Variants in SLC34A1 observed in about 807,000 individuals in gnomAD.
SLC34A1 encodes the protein solute carrier family 34 member 1.
A neutral mutation model predicts 51.4 loss-of-function variants in SLC34A1; 57 were observed. That is an observed-to-expected ratio of 1.11 (90% CI 0.90 to 1.38). The LOEUF (loss-of-function observed/expected upper bound fraction) is 1.38, where lower values mean the gene tolerates loss of function less well. Ranked by LOEUF, SLC34A1 falls within the 40% of genes most tolerant of loss-of-function variation. SLC34A1 has a pLI of 0.00. For synonymous variants in SLC34A1, 368 were observed against 358.0 expected (o/e 1.03, Z -0.32); for missense variants, 796 against 835.6 (o/e 0.95, Z 0.58).
In SLC34A1 at chr5:177,388,050, T is replaced by C; in HGVS notation, c.701T>C (p.Leu234Pro). ...DCFNWLSVLV[L>P]LPLEAATGYL... is the part of the protein sequence containing the mutation. ...TTTAACTGGCTGTCAGTGCTGGTCC[T>C]GCTGCCCCTGGAGGCTGCCACTGGC... The change falls in exon 7 of 13, where the codon CTG becomes CCG. Residue 234 changes from leucine to proline, a missense_variant. By Grantham distance (98) the Leu-to-Pro change is moderately conservative (BLOSUM62 -3). Transcript: ENST00000324417. The surrounding 1 kb of genome is among the most constrained non-coding windows in gnomAD (Gnocchi z 4.3). The C allele has an allele frequency of 1.2e-6, 2 of 1,614,100 alleles. No homozygotes were observed. Among genetic ancestry groups the C allele is most frequent in the Non-Finnish European group, 1.7e-6 (2 of 1,180,004 alleles).
intron 8 of SLC34A1, chr5:177,389,736 G>A (rs776074321): frequency 4.2e-5 from 65 of 1,536,990 alleles, no homozygotes; most frequent in Middle Eastern, 1.7e-4. Context: ...GCTCCCTGCC[G>A]GCCACCTACT....
chr5:177,386,600 G>A lies in SLC34A1; in HGVS notation c.532+34G>A. ...GCCCACCAGGGTGGGGAAGAGCTTGGAGGGGCACCCCAGGAGCTGGGAAGG... is the reference window on the plus strand; with the variant it reads ...GCCCACCAGGGTGGGGAAGAGCTTGAAGGGGCACCCCAGGAGCTGGGAAGG... On this transcript the variant is annotated intron_variant, in intron 5 of 12. Coordinates refer to ENST00000324417, the MANE Select transcript of SLC34A1 (RefSeq NM_003052.5). This position sits in a 1 kb window ranked among gnomAD's most constrained non-coding sequence, Gnocchi z 4.8. The A allele has an allele frequency of 6.2e-7, 1 of 1,612,620 alleles. No individual in the cohort carries two copies. Among genetic ancestry groups the A allele is most frequent in the Non-Finnish European group, 8.5e-7 (1 of 1,179,898 alleles).
chr5:177,389,653 G>C (rs1402661273), intron 8 of SLC34A1: 1 of 1,537,282 alleles, frequency 6.5e-7, no homozygotes, highest in Non-Finnish European at 8.7e-7. Flanking sequence ...ATCTGGAAGG[G>C]AGAGAAATCA....
chr5:177,398,568 A>AG lies in SLC34A1; in HGVS notation c.*284dup. On this transcript the variant is annotated 3_prime_UTR_variant, in exon 13 of 13. Transcript: ENST00000324417. The surrounding 1 kb of genome is among the most constrained non-coding windows in gnomAD (Gnocchi z 4.7). The stretch of plus-strand genomic sequence containing the variant: ...GACACACCTGTGGGAGGCTGTGTGC[A>AG]GGCTGCAGGATATCTGGGTATGATT... The AG allele has an allele frequency of 1.8e-6, 1 of 554,138 alleles. No homozygotes were observed. The allele number at this position is 554,138 out of a possible 1,614,324, so 34.3% of individuals were successfully genotyped here.
chr5:177,389,244 G>T (rs1762711592), intron 8 of SLC34A1, among the ~76,000 whole-genome samples: 1 of 152,126 alleles, frequency 6.6e-6, no homozygotes, highest in Non-Finnish European at 1.5e-5. Flanking sequence ...AAACCACAAT[G>T]CACCATATTT....
intron 12 of SLC34A1, chr5:177,397,466 C>T: frequency 1.9e-6 from 1 of 520,786 alleles, no homozygotes. Context: ...GAATGAGGGT[C>T]CAGAAACTGA....
chr5:177,395,927 C>A (rs1762939967), intron 10 of SLC34A1, among the ~76,000 whole-genome samples: 1 of 152,200 alleles, frequency 6.6e-6, no homozygotes, highest in East Asian at 1.9e-4. Flanking sequence ...AGCCACCATG[C>A]CCAGCCTCTT....
chr5:177,388,158 T>C lies in SLC34A1; in HGVS notation c.809T>C (p.Ile270Thr). 6.2e-7 allele frequency: 1 copy of C among 1,614,058 alleles called. No individual in the cohort carries two copies. Among genetic ancestry groups the C allele is most frequent in the Non-Finnish European group, 8.5e-7 (1 of 1,179,984 alleles). Reference sequence around the variant, plus strand: ...GATGCTCCTGACCTGCTCAAGATCATCACAGAGCCCTTCACGAAGCTCATC... The same window carrying C: ...GATGCTCCTGACCTGCTCAAGATCACCACAGAGCCCTTCACGAAGCTCATC... ...GRDAPDLLKI[I>T]TEPFTKLIIQ... Residue 270 changes from isoleucine (I) to threonine (T), a missense_variant, in exon 7 of 13, where the codon ATC becomes ACC. Physicochemically the swap from Ile to Thr is moderately conservative, Grantham distance 89. Transcript: ENST00000324417. The surrounding 1 kb of genome is among the most constrained non-coding windows in gnomAD (Gnocchi z 4.3).
chr5:177,394,600 T>A (rs1762901884), intron 10 of SLC34A1, among the ~76,000 whole-genome samples: 1 of 151,424 alleles, frequency 6.6e-6, no homozygotes, highest in Admixed American at 6.6e-5. Context: ...CTCACACCTG[T>A]AAATCCAGCA....
intron 5 of SLC34A1, among the ~76,000 whole-genome samples, chr5:177,387,265 G>A (rs556239790): frequency 1.3e-5 from 2 of 152,128 alleles, no homozygotes; most frequent in African/African-American, 4.8e-5. Context: ...CGTGGTGGCA[G>A]GTGTCTGCAG....
At chr5:177,392,464 A>AAAATAAAT (rs10625002) in intron 8 of SLC34A1, among the ~76,000 whole-genome samples, 39 of 151,254 alleles carry the variant, frequency 2.6e-4, no homozygotes, top group African/African-American at 6.1e-4. Flanking sequence ...ACTCTGTCTC[A>AAAATAAAT]AAATAAATAA....
At chr5:177,385,180 G>A (rs79117479) in intron 1 of SLC34A1, among the ~76,000 whole-genome samples, 16,112 of 152,164 alleles carry the variant, frequency 0.11, 1,347 homozygotes, top group African/African-American at 0.23. Context: ...GGTGTCTGCA[G>A]CTCCTCCTTG....
intron 8 of SLC34A1, chr5:177,389,799 T>C (rs1466019180): frequency 3.1e-5 from 47 of 1,531,902 alleles, no homozygotes; most frequent in Non-Finnish European, 3.9e-5. Context: ...CTTGAAGTCA[T>C]CCTCACCCAG....
chr5:177,387,736 C>A, intron 5 of SLC34A1, 26 bp from the exon 6 acceptor site: 1 of 1,586,644 alleles, frequency 6.3e-7, no homozygotes, highest in Non-Finnish European at 8.7e-7. Context: ...CCGTCAAATT[C>A]ATTAGGACGT....
chr5:177,398,180 C>T lies in SLC34A1; in HGVS notation c.1814C>T (p.Pro605Leu), dbSNP rs759723803. ...RATLCCARPE[P>L]RSPPLPPRVF... ...ACCCTATGCTGTGCCAGGCCTGAGCCCCGCTCACCCCCGCTGCCCCCCAGG... is the reference window on the plus strand; with the variant it reads ...ACCCTATGCTGTGCCAGGCCTGAGCTCCGCTCACCCCCGCTGCCCCCCAGG... Residue 605 changes from proline (P) to leucine (L), a missense_variant, in exon 13 of 13, where the codon CCC becomes CTC. Transcript: ENST00000324417. This position sits in a 1 kb window ranked among gnomAD's most constrained non-coding sequence, Gnocchi z 4.7. The T allele has an allele frequency of 3.7e-6, 6 of 1,611,272 alleles. No homozygotes were observed. Among genetic ancestry groups the T allele is most frequent in the Non-Finnish European group, 5.1e-6 (6 of 1,179,804 alleles).
rs1401652648 is a variant in SLC34A1 at position 177,388,853 on chromosome 5, G to C, written c.936+481G>C. ...TTCAGAGAGGCTAAGAAACGTGCCA[G>C]AGCTTATCCTACCATGTCAGGGCCT... On this transcript the variant is annotated intron_variant, in intron 8 of 12. Coordinates refer to ENST00000324417, the MANE Select transcript of SLC34A1 (RefSeq NM_003052.5). This position sits in a 1 kb window ranked among gnomAD's most constrained non-coding sequence, Gnocchi z 4.3. Among the ~76,000 whole-genome samples the C allele has an allele frequency of 6.6e-6, 1 of 152,182 alleles. No homozygotes were observed. Among genetic ancestry groups the C allele is most frequent in the East Asian group, 1.9e-4 (1 of 5,206 alleles).
chr5:177,388,677 C>T lies in SLC34A1; in HGVS notation c.936+305C>T, dbSNP rs1227198429. On this transcript the variant is annotated intron_variant, in intron 8 of 12. Transcript: ENST00000324417. The surrounding 1 kb of genome is among the most constrained non-coding windows in gnomAD (Gnocchi z 4.3). ...GGAACCTATTAGAGATGCAAATCAC[C>T]CTGCCCTTCCCTAGACCTACTGAAT... Among the ~76,000 whole-genome samples, 31 of 152,070 alleles carry T rather than the reference C, an allele frequency of 2.0e-4. No individual in the cohort carries two copies. Among genetic ancestry groups the T allele is most frequent in the Non-Finnish European group, 3.4e-4 (23 of 68,014 alleles).
Position 177,395,326 on chromosome 5 carries a change from G to A in SLC34A1, c.1174+1131G>A, listed in dbSNP as rs559779192. On this transcript the variant is annotated intron_variant, in intron 10 of 12. Transcript: ENST00000324417. ...GGTTTCCAATGCGCTGTTTGAGGCC[G>A]CTCAGTGCAGTTGGCATTTGAACAG... Among the ~76,000 whole-genome samples, 8 of 152,260 alleles carry A rather than the reference G, an allele frequency of 5.3e-5. No individual in the cohort carries two copies. In the South Asian group the frequency reaches 8.3e-4, roughly 16 times the overall value.
chr5:177,386,008 C>A lies in SLC34A1; in HGVS notation c.131C>A (p.Thr44Asn), dbSNP rs750323972. Residue 44 changes from threonine to asparagine, a missense_variant, in exon 3 of 13, where the codon ACC becomes AAC. By Grantham distance (65) the Thr-to-Asn change is moderately conservative. Transcript: ENST00000324417. The surrounding 1 kb of genome is among the most constrained non-coding windows in gnomAD (Gnocchi z 4.8). ...CTAGTCCTACACAGGATCCCGGGGACCTCTGCCTATGCCTTCCCCAGCCTG... is the reference window on the plus strand; with the variant it reads ...CTAGTCCTACACAGGATCCCGGGGAACTCTGCCTATGCCTTCCCCAGCCTG... Reference protein sequence around the residue: ...SPQVLHRIPGTSAYAFPSLGP... With the variant: ...SPQVLHRIPGNSAYAFPSLGP... The A allele has an allele frequency of 6.8e-6, 11 of 1,610,550 alleles. No homozygotes were observed. In the East Asian group the frequency reaches 2.2e-4, roughly 33 times the overall value.
Sources: gnomAD v4.1 joint callset for allele counts (sites outside exome capture counted in the v4.1 genomes callset) on GRCh38, gnomAD v4.1.1 for gene constraint, Gnocchi (gnomAD v3.1) non-coding constraint, MANE v1.5 for transcripts, NCBI Gene and HGNC (gene_info 2026-07-23, HGNC 2026-07-21) for gene names.